The following ZNF516 variants were observed in gnomAD, a reference collection of about 807,000 sequenced individuals.
The protein encoded by ZNF516 is zinc finger protein 516.
ZNF516 carries 19 observed loss-of-function variants against 79.7 expected under a neutral mutation model. That is an observed-to-expected ratio of 0.24 (90% CI 0.17 to 0.35). The LOEUF (loss-of-function observed/expected upper bound fraction) is 0.35. Among genes scored for constraint, ZNF516 ranks in the 10% least tolerant of loss-of-function variants. The pLI is 1.00. For synonymous variants in ZNF516, 877 were observed against 739.5 expected, an observed-to-expected ratio of 1.19 and a Z score of -3.02; for missense variants, 1,678 against 1,679.5, an observed-to-expected ratio of 1.00 and a Z score of 0.02.
At chr18:76,388,385 C>G (rs2075023082) in intron 3 of ZNF516, 1 of 152,258 alleles carries the variant, frequency 6.6e-6, no homozygotes, top group South Asian at 2.1e-4. Flanking sequence ...AAGCACTCAC[C>G]CAGCTCCTGC....
At chr18:76,425,724 C>G (rs1362965390) in intron 3 of ZNF516, among the ~76,000 whole-genome samples, 2 of 152,230 alleles carry the variant, frequency 1.3e-5, no homozygotes, top group Non-Finnish European at 2.9e-5. Context: ...TCTTACCAGA[C>G]CTTGTCCTGC....
chr18:76,371,318 T>C, intron 5 of ZNF516, 149 bp downstream of exon 5: 2 of 731,900 alleles, frequency 2.7e-6, no homozygotes, highest in South Asian at 1.8e-5. Context: ...GCGGCCTGTA[T>C]ACGATCCCGG....
chr18:76,454,698 C>A (rs1168364896), intron 2 of ZNF516, among the ~76,000 whole-genome samples: 1 of 152,188 alleles, frequency 6.6e-6, no homozygotes, highest in African/African-American at 2.4e-5. Context: ...AATATTTTTT[C>A]AAACACACTT....
intron 2 of ZNF516, among the ~76,000 whole-genome samples, chr18:76,453,731 T>C (rs1912556650): frequency 6.6e-6 from 1 of 152,220 alleles, no homozygotes; most frequent in Non-Finnish European, 1.5e-5. Flanking sequence ...TTAGAAATGA[T>C]CAGCAGTGAA....
At chr18:76,456,647 C>T (rs556949103) in intron 2 of ZNF516, among the ~76,000 whole-genome samples, 15 of 151,492 alleles carry the variant, frequency 9.9e-5, no homozygotes, top group East Asian at 2.0e-4. Context: ...CAGTCAACCC[C>T]GACGGTCAGA....
chr18:76,389,590 A>C (rs1225958823), intron 3 of ZNF516, among the ~76,000 whole-genome samples: 6 of 152,194 alleles, frequency 3.9e-5, no homozygotes, highest in African/African-American at 1.4e-4. Context: ...AACGACCCAA[A>C]AATTGCTAAC....
chr18:76,363,611 A>T (rs2074571965), intron 6 of ZNF516, among the ~76,000 whole-genome samples: 1 of 152,186 alleles, frequency 6.6e-6, no homozygotes, highest in Non-Finnish European at 1.5e-5. Flanking sequence ...ACAGTAATGG[A>T]ATGAGAGATG....
At chr18:76,406,111 C>G (rs2075301368) in intron 3 of ZNF516, among the ~76,000 whole-genome samples, 1 of 152,218 alleles carries the variant, frequency 6.6e-6, no homozygotes, top group African/African-American at 2.4e-5. Flanking sequence ...ACGGGACACC[C>G]TGCAGCCCCT....
chr18:76,441,399 C>T lies in ZNF516; in HGVS notation c.1656G>A (p.Ala552=), dbSNP rs1363566363. ...CACTGAGTGATCCGCAGCGGGCCCG[C>T]GCCGCCCTGTCCCCGTCACTGTCCC... ...RERDSDGDRA[A]RARCGSLSEG... The change falls in exon 3 of 7, where the codon GCG becomes GCA. Residue 552 remains alanine (A), a synonymous_variant. Transcript: ENST00000443185. 1 of 1,609,184 alleles carries T rather than the reference C, an allele frequency of 6.2e-7. No homozygotes were observed. The highest frequency in any genetic ancestry group is 8.5e-7 in the Non-Finnish European group (1 of 1,178,576).
At chr18:76,466,771 G>C (rs969720760) in intron 1 of ZNF516, among the ~76,000 whole-genome samples, 5 of 152,210 alleles carry the variant, frequency 3.3e-5, no homozygotes, top group Non-Finnish European at 7.4e-5. Context: ...ACATGCACAG[G>C]GGCCACGAGG....
At chr18:76,475,698 C>A (rs762298128) in intron 1 of ZNF516, among the ~76,000 whole-genome samples, 1 of 152,170 alleles carries the variant, frequency 6.6e-6, no homozygotes, top group Non-Finnish European at 1.5e-5. Flanking sequence ...GGTCCATGCT[C>A]TGGCCACACT....
At chr18:76,424,311 A>G (rs1209843772) in intron 3 of ZNF516, among the ~76,000 whole-genome samples, 1 of 28,184 alleles carries the variant, frequency 3.5e-5, no homozygotes, top group Admixed American at 3.4e-4. Flanking sequence ...CATGCAGGTG[A>G]AAAGGCTCCC....
Position 76,441,681 on chromosome 18 carries a change from C to A in ZNF516, c.1374G>T (p.Leu458=), listed in dbSNP as rs746412874. 26 of 1,558,028 alleles carry A rather than the reference C, an allele frequency of 1.7e-5. No individual in the cohort carries two copies. The East Asian group carries it at 6.0e-4, about 36-fold the overall frequency. ...AFDKDRREYV[L]VSQEKRKREQ... ...CACGCTTGCGCTTCTCCTGGCTCAC[C>A]AGGACGTACTCGCGCCTGTCCTTGT... The change falls in exon 3 of 7, where the codon CTG becomes CTT. Residue 458 remains leucine, a synonymous_variant. Transcript: ENST00000443185.
intron 3 of ZNF516, among the ~76,000 whole-genome samples, chr18:76,414,043 A>G (rs1054411888): frequency 6.6e-5 from 10 of 152,240 alleles, no homozygotes; most frequent in African/African-American, 2.4e-4. Context: ...TTAGGCCATC[A>G]AAACATTATC....
intron 3 of ZNF516, among the ~76,000 whole-genome samples, chr18:76,436,988 G>A (rs2075747774): frequency 6.6e-6 from 1 of 151,892 alleles, no homozygotes; most frequent in Admixed American, 6.6e-5. Context: ...GATGGCTTGA[G>A]CCCGGGAGGC....
rs61233300 is a variant in ZNF516 at position 76,360,646 on chromosome 18, AATAT to A, written c.*1848_*1851del. 164 of 72,436 alleles carry A rather than the reference AATAT, an allele frequency of 2.3e-3. No individual in the cohort carries two copies. The highest frequency in any genetic ancestry group is 0.013 in the East Asian group (40 of 3,040). The allele number at this position is 72,436 out of a possible 1,614,324, so 4.5% of individuals were successfully genotyped here. On this transcript the variant is annotated 3_prime_UTR_variant, in exon 7 of 7. Transcript: ENST00000443185. ...AAAAAAATAAGTAAAAAAAAAAAAAAATATATATATATATATATATATATATATA... is the reference window on the plus strand; with the variant it reads ...AAAAAAATAAGTAAAAAAAAAAAAAAATATATATATATATATATATATATA...
chr18:76,375,359 G>T (rs1481190619), intron 4 of ZNF516, among the ~76,000 whole-genome samples: 1 of 151,920 alleles, frequency 6.6e-6, no homozygotes, highest in Admixed American at 6.6e-5. Context: ...GACACAGAAG[G>T]CCCCAGAGAC....
chr18:76,477,784 C>T (rs953091488), intron 1 of ZNF516, among the ~76,000 whole-genome samples: 1 of 151,980 alleles, frequency 6.6e-6, no homozygotes, highest in Non-Finnish European at 1.5e-5. Flanking sequence ...CCTGCTGAAA[C>T]GAAGGAATGC....
At chr18:76,395,725 C>T (rs1352993231) in intron 3 of ZNF516, among the ~76,000 whole-genome samples, 1 of 151,802 alleles carries the variant, frequency 6.6e-6, no homozygotes, top group Non-Finnish European at 1.5e-5. Context: ...CTCTCCAAAA[C>T]AAGACGCACC....
Sources: gnomAD v4.1 joint callset for allele counts (sites outside exome capture counted in the v4.1 genomes callset) on GRCh38, gnomAD v4.1.1 for gene constraint, MANE v1.5 for transcripts, NCBI Gene and HGNC (gene_info 2026-07-23, HGNC 2026-07-21) for gene names.